TPM3: variants seen among roughly 807,000 people sequenced by gnomAD.
TPM3 encodes tropomyosin 3.
A neutral mutation model predicts 43.1 loss-of-function variants in TPM3; 16 were observed. The observed-to-expected ratio is 0.37, with a 90% CI of 0.25 to 0.56. TPM3 has a LOEUF of 0.56. Among genes scored for constraint, TPM3 ranks in the 20% least tolerant of loss-of-function variants. TPM3 has a pLI of 0.77. For missense variants in TPM3, 176 were observed against 337.2 expected (o/e 0.52, Z 3.74); for synonymous variants, 101 against 116.9 (o/e 0.86, Z 0.88).
rs970679863 is a variant in TPM3 at position 154,162,375 on chromosome 1, A to C, written c.*5562T>G. 6.6e-6 allele frequency among the ~76,000 whole-genome samples: 1 copy of C among 151,400 alleles called. No individual in the cohort carries two copies. The highest frequency in any genetic ancestry group is 2.4e-5 in the African/African-American group (1 of 41,184). ...GCAAGACTCCGTCTCAAAAAAAAAA[A>C]AAAAAAAAAACACAAACCAACCCCA... On this transcript the variant is annotated 3_prime_UTR_variant, in exon 10 of 10. Transcript: ENST00000651641.
At chr1:154,183,386 C>CG (rs1663205874) in intron 2 of TPM3, 3 of 1,228,800 alleles carry the variant, frequency 2.4e-6, no homozygotes, top group Non-Finnish European at 3.3e-6. Flanking sequence ...TAAACTGGGA[C>CG]GGGGTTGGGA....
At chr1:154,179,744 C>T (rs1362256484) in intron 2 of TPM3, among the ~76,000 whole-genome samples, 1 of 152,108 alleles carries the variant, frequency 6.6e-6, no homozygotes, top group Non-Finnish European at 1.5e-5. Flanking sequence ...CCACCATGCC[C>T]AGCTAATTTT....
At chr1:154,170,271 A>C in intron 8 of TPM3, 129 bp downstream of exon 8, 5 of 950,898 alleles carry the variant, frequency 5.3e-6, no homozygotes, top group Non-Finnish European at 8.4e-6. Context: ...GGCATAGGAC[A>C]GTGCACATGA....
In TPM3 at chr1:154,169,165, A is replaced by C; in HGVS notation, c.854+140T>G. On this transcript the variant is annotated intron_variant, in intron 9 of 9. Coordinates refer to ENST00000651641, the MANE Select transcript of TPM3 (RefSeq NM_152263.4). ...CTCCAAAGCTTTTGCCAAACAAATA[A>C]CCAGCACCAATGTTTCAAAGATAAG... is the stretch of plus-strand genomic sequence containing the variant. The C allele has an allele frequency of 7.1e-6, 7 of 980,396 alleles. No homozygotes were observed. The South Asian group carries it at 9.6e-5, about 13-fold the overall frequency. The allele number at this position is 980,396 out of a possible 1,614,324, so 60.7% of individuals were successfully genotyped here. A position where few individuals can be genotyped will look rare whatever the true frequency, so the allele number is the denominator to read the frequency against.
intron 2 of TPM3, among the ~76,000 whole-genome samples, chr1:154,178,569 C>CTT (rs1662603280): frequency 6.6e-6 from 1 of 152,188 alleles, no homozygotes; most frequent in Non-Finnish European, 1.5e-5. Context: ...GGAAGACAAG[C>CTT]TGACTTTTCC....
intron 2 of TPM3, among the ~76,000 whole-genome samples, chr1:154,177,768 A>T (rs1186822019): frequency 6.6e-6 from 1 of 151,856 alleles, no homozygotes. Flanking sequence ...AGACCAAAAG[A>T]CTCCTTTTTA....
chr1:154,169,293 T>TCTGGTAGTTAC lies in TPM3; in HGVS notation c.854+11_854+12insGTAACTACCAG, dbSNP rs1414090069. The TCTGGTAGTTAC allele has an allele frequency of 6.2e-7, 1 of 1,613,976 alleles. No individual in the cohort carries two copies. The highest frequency in any genetic ancestry group is 2.2e-5 in the East Asian group (1 of 44,878). On this transcript the variant is annotated intron_variant, in intron 9 of 9. Coordinates refer to ENST00000651641, the MANE Select transcript of TPM3 (RefSeq NM_152263.4). Reference sequence around the variant, plus strand: ...CCAAGATCCCAGCCCCACTCTACTGTCAGATAGTTACATAGAGGTCATGTC... The same window carrying TCTGGTAGTTAC: ...CCAAGATCCCAGCCCCACTCTACTGTCTGGTAGTTACCAGATAGTTACATAGAGGTCATGTC...
At chr1:154,173,794 A>G (rs1661890510) in intron 3 of TPM3, among the ~76,000 whole-genome samples, 1 of 152,106 alleles carries the variant, frequency 6.6e-6, no homozygotes, top group African/African-American at 2.4e-5. Flanking sequence ...GTTCGAGACC[A>G]GCTGGCAAAC....
chr1:154,191,512 A>T (rs909536985), intron 1 of TPM3: 4 of 1,293,776 alleles, frequency 3.1e-6, no homozygotes, highest in Non-Finnish European at 4.2e-6. Context: ...TGATCCTAAG[A>T]TGACCAAGCC....
chr1:154,189,327 A>G (rs1482806486), intron 2 of TPM3, among the ~76,000 whole-genome samples: 1 of 150,892 alleles, frequency 6.6e-6, no homozygotes, highest in Non-Finnish European at 1.5e-5. Context: ...TACTAAAAAA[A>G]AAATACAAAA....
chr1:154,164,352 G>A lies in TPM3; in HGVS notation c.*3585C>T, dbSNP rs1252630038. On this transcript the variant is annotated 3_prime_UTR_variant, in exon 10 of 10. Coordinates refer to ENST00000651641, the MANE Select transcript of TPM3 (RefSeq NM_152263.4). The stretch of plus-strand genomic sequence containing the variant: ...AAGTTTTTATATTTTGTAGAGACAG[G>A]TTCTCACTTTATTGCCAGGCTGGTC... Among the ~76,000 whole-genome samples, 2 of 151,996 alleles carry A rather than the reference G, an allele frequency of 1.3e-5. No homozygotes were observed. The highest frequency in any genetic ancestry group is 4.8e-5 in the African/African-American group (2 of 41,378).
At chr1:154,183,944 C>G (rs1663262284) in intron 2 of TPM3, 1 of 145,888 alleles carries the variant, frequency 6.9e-6, no homozygotes, top group Admixed American at 7.2e-5. Flanking sequence ...ACTACAGCTT[C>G]GAACTCCTGG....
chr1:154,170,179 G>A, intron 8 of TPM3: 1 of 563,300 alleles, frequency 1.8e-6, no homozygotes, highest in Non-Finnish European at 3.2e-6. Context: ...ACAAATTGCA[G>A]ACTATTTGGT....
At chr1:154,190,021 A>G (rs1663613700) in intron 2 of TPM3, among the ~76,000 whole-genome samples, 1 of 152,004 alleles carries the variant, frequency 6.6e-6, no homozygotes, top group Middle Eastern at 3.2e-3. Context: ...GGCTCCATGC[A>G]GCCTCCGCCT....
intron 2 of TPM3, among the ~76,000 whole-genome samples, chr1:154,180,169 G>T (rs941787649): frequency 6.6e-6 from 1 of 152,192 alleles, no homozygotes; most frequent in Admixed American, 6.5e-5. Flanking sequence ...GAGCAGAAAA[G>T]AAAGATGGAT....
chr1:154,183,191 C>T (rs1663176348), intron 2 of TPM3: 1 of 1,590,898 alleles, frequency 6.3e-7, no homozygotes, highest in Non-Finnish European at 8.5e-7. Context: ...TCCTCTCACC[C>T]TTACTTCCGC....
chr1:154,171,391 A>T (rs764086446), intron 6 of TPM3, 22 bp downstream of exon 6: 1 of 1,613,978 alleles, frequency 6.2e-7, no homozygotes, highest in Non-Finnish European at 8.5e-7. Flanking sequence ...AAAGCCTGTC[A>T]CTTTCACAAA....
chr1:154,183,397 C>T, intron 2 of TPM3: 1 of 1,147,730 alleles, frequency 8.7e-7, no homozygotes, highest in Non-Finnish European at 1.2e-6. Flanking sequence ...GGGGTTGGGA[C>T]GAGGGAGTGT....
intron 2 of TPM3, 82 bp from the exon 3 acceptor site, chr1:154,176,330 G>A (rs1662305701): frequency 1.9e-6 from 3 of 1,601,148 alleles, no homozygotes; most frequent in South Asian, 2.2e-5. Flanking sequence ...GATCAGGGTT[G>A]ACTACCATGA....
Sources: allele counts gnomAD v4.1 joint callset (sites outside exome capture counted in the v4.1 genomes callset), GRCh38; gene constraint gnomAD v4.1.1; transcripts MANE v1.5; gene names NCBI Gene and HGNC (gene_info 2026-07-23, HGNC 2026-07-21).